Variants in MCPH1 observed in about 807,000 individuals in gnomAD.
MCPH1 encodes the protein microcephalin.
MCPH1 carries 104 observed loss-of-function variants against 84.5 expected under a neutral mutation model. The observed-to-expected ratio is 1.23, with a 90% CI of 1.05 to 1.45. The LOEUF (loss-of-function observed/expected upper bound fraction) is 1.45, where lower values mean the gene tolerates loss of function less well. Among genes scored for constraint, MCPH1 ranks in the 40% most tolerant of loss-of-function variants. MCPH1 has a pLI of 0.00. For missense variants in MCPH1, 1,498 were observed against 1,005.7 expected (o/e 1.49, Z -6.62); for synonymous variants, 514 against 366.8 (o/e 1.40, Z -4.58).
At position 6,527,766 on chromosome 8, in the gene MCPH1, G is replaced by A. The variant is rs1046108943; in HGVS notation, c.2214+27837G>A. ...TTTCATTAAAGTACCCAAGCTACAGGAAAACATAACAAAAACATTATTTAT... is the reference window on the plus strand; with the variant it reads ...TTTCATTAAAGTACCCAAGCTACAGAAAAACATAACAAAAACATTATTTAT... On this transcript the variant is annotated intron_variant, in intron 12 of 13. Transcript: ENST00000344683. 211 of 1,215,526 alleles carry A rather than the reference G, an allele frequency of 1.7e-4. 1 individual carries two copies. The highest frequency in any genetic ancestry group is 2.1e-4 in the Non-Finnish European group (185 of 885,034). The allele number at this position is 1,215,526 out of a possible 1,614,324, so 75.3% of individuals were successfully genotyped here.
At chr8:6,619,492 T>C (rs192494973) in intron 12 of MCPH1, among the ~76,000 whole-genome samples, 1 of 152,054 alleles carries the variant, frequency 6.6e-6, no homozygotes, top group Admixed American at 6.6e-5. Context: ...GGTTTCTCCA[T>C]GTTGGTCAGA....
chr8:6,458,404 G>A (rs1196784427), intron 9 of MCPH1, among the ~76,000 whole-genome samples: 9 of 151,206 alleles, frequency 6.0e-5, no homozygotes, highest in African/African-American at 1.5e-4. Flanking sequence ...CCCGGGAGGC[G>A]GAGATTGCAG....
chr8:6,458,463 C>G (rs1470917397), intron 9 of MCPH1, among the ~76,000 whole-genome samples: 7 of 134,660 alleles, frequency 5.2e-5, no homozygotes, highest in East Asian at 4.2e-4. Flanking sequence ...CAGAGTGAGA[C>G]TCCTTCTCAA....
At chr8:6,506,934 G>C (rs1348865181) in intron 12 of MCPH1, among the ~76,000 whole-genome samples, 2 of 150,526 alleles carry the variant, frequency 1.3e-5, no homozygotes, top group Non-Finnish European at 2.9e-5. Context: ...TCTCACTCTT[G>C]TCGTCCAGGC....
At position 6,607,539 on chromosome 8, in the gene MCPH1, C is replaced by G. The variant is rs546834266; in HGVS notation, c.2215-13915C>G. Among the ~76,000 whole-genome samples, 48 of 152,302 alleles carry G rather than the reference C, an allele frequency of 3.2e-4. No homozygotes were observed. In the Middle Eastern group the frequency reaches 0.01, roughly 32 times the overall value. On this transcript the variant is annotated intron_variant, in intron 12 of 13. Transcript: ENST00000344683. ...GGTGAGGAAAGAAATCTTTCCTTCC[C>G]TACTGATATGGTTTGGCTGTGTCCC...
rs747616569 is a variant in MCPH1, at chr8:6,414,807, A to C, written c.157A>C (p.Lys53Gln). ...CAAACAAGTAACTCACGTTATCTTC[A>C]AAGATGGCTACCAGAGCACTTGGGA... ...FNKQVTHVIF[K>Q]DGYQSTWDKA... The change falls in exon 3 of 14, where the codon AAA becomes CAA. Residue 53 changes from lysine to glutamine, a missense_variant. Coordinates refer to ENST00000344683, the MANE Select transcript of MCPH1 (RefSeq NM_024596.5). 2.5e-6 allele frequency: 4 copies of C among 1,613,816 alleles called. No homozygotes were observed. The South Asian group carries it at 3.3e-5, about 13-fold the overall frequency.
chr8:6,592,347 A>C (rs1168697455), intron 12 of MCPH1, among the ~76,000 whole-genome samples: 2 of 151,964 alleles, frequency 1.3e-5, no homozygotes, highest in African/African-American at 4.8e-5. Flanking sequence ...GGGTTTTGCC[A>C]TGTTGCTCAG....
intron 9 of MCPH1, among the ~76,000 whole-genome samples, chr8:6,466,460 A>C (rs375848755): frequency 6.6e-6 from 1 of 152,068 alleles, no homozygotes; most frequent in African/African-American, 2.4e-5. Context: ...GGCGCGTGCC[A>C]CCACACCTGG....
chr8:6,477,552 G>A, intron 9 of MCPH1, 42 bp from the exon 10 acceptor site: 4 of 1,577,514 alleles, frequency 2.5e-6, no homozygotes, highest in Non-Finnish European at 3.5e-6. Context: ...TATTTTTTAT[G>A]TTTTTGACTG....
chr8:6,477,273 C>G (rs1415000050), intron 9 of MCPH1: 2 of 309,368 alleles, frequency 6.5e-6, no homozygotes, highest in East Asian at 1.5e-4. Context: ...CCCTTTCTCA[C>G]TTTGAAGTGC....
chr8:6,511,726 A>G (rs538125552), intron 12 of MCPH1, among the ~76,000 whole-genome samples: 92 of 152,308 alleles, frequency 6.0e-4, no homozygotes, highest in Non-Finnish European at 1.1e-3. Context: ...CTTTAAACCA[A>G]TGTGTGTGTT....
Position 6,593,881 on chromosome 8 carries a change from C to T in MCPH1, c.2215-27573C>T, listed in dbSNP as rs189716435. On this transcript the variant is annotated intron_variant, in intron 12 of 13. Transcript: ENST00000344683. ...AACAATAGACCTCTGTTCATTGCTT[C>T]CTTCTTATGCAAAAGTGGCCGTCCC... Among the ~76,000 whole-genome samples, 255 of 152,328 alleles carry T rather than the reference C, an allele frequency of 1.7e-3. 2 individuals carry two copies. Among genetic ancestry groups the T allele is most frequent in the South Asian group, 9.1e-3 (44 of 4,818 alleles).
chr8:6,498,377 G>T (rs138650100), intron 11 of MCPH1, among the ~76,000 whole-genome samples: 3 of 152,272 alleles, frequency 2.0e-5, no homozygotes, highest in East Asian at 3.9e-4. Flanking sequence ...TGTTTACACT[G>T]TATTTCTGAT....
chr8:6,434,962 C>G (rs1802430074), intron 4 of MCPH1, among the ~76,000 whole-genome samples: 1 of 152,064 alleles, frequency 6.6e-6, no homozygotes, highest in Non-Finnish European at 1.5e-5. Context: ...ATGGGCAGTT[C>G]CAAGAACAGA....
chr8:6,571,864 G>A (rs1166210142), intron 12 of MCPH1, among the ~76,000 whole-genome samples: 1 of 152,106 alleles, frequency 6.6e-6, no homozygotes, highest in Non-Finnish European at 1.5e-5. Flanking sequence ...CACATAAAAG[G>A]AAGTGATGTT....
intron 12 of MCPH1, among the ~76,000 whole-genome samples, chr8:6,523,414 G>T (rs1260894272): frequency 6.6e-6 from 1 of 152,150 alleles, no homozygotes; most frequent in African/African-American, 2.4e-5. Context: ...AACATACATT[G>T]CTATAAATAT....
intron 12 of MCPH1, among the ~76,000 whole-genome samples, chr8:6,505,796 A>G (rs1440378223): frequency 7.3e-6 from 1 of 136,844 alleles, no homozygotes; most frequent in Non-Finnish European, 1.5e-5. Flanking sequence ...GTATATATAA[A>G]AACATGCATA....
Position 6,445,410 on chromosome 8 carries a change from A to T in MCPH1, c.1688A>T (p.Asn563Ile), listed in dbSNP as rs765559736. The change falls in exon 8 of 14, where the codon AAC becomes ATC. Residue 563 changes from asparagine (N) to isoleucine (I), a missense_variant. By Grantham distance (149) the Asn-to-Ile change is moderately radical (BLOSUM62 -3). Coordinates refer to ENST00000344683, the MANE Select transcript of MCPH1 (RefSeq NM_024596.5). ...KEAVGLKSTQ[N>I]KGTTSKISNS... The stretch of plus-strand genomic sequence containing the variant: ...GCGGTTGGTCTGAAAAGCACACAGA[A>T]CAAAGGTACCACTTCCAAAATATCA... 4 of 1,614,142 alleles carry T rather than the reference A, an allele frequency of 2.5e-6. No homozygotes were observed. In the South Asian group the frequency reaches 4.4e-5, roughly 18 times the overall value.
intron 12 of MCPH1, among the ~76,000 whole-genome samples, chr8:6,595,016 A>G (rs1042441593): frequency 6.6e-6 from 1 of 152,200 alleles, no homozygotes; most frequent in African/African-American, 2.4e-5. Context: ...AAATCTTAAG[A>G]CTATATAGTT....
Sources: gnomAD v4.1 joint callset for allele counts (sites outside exome capture counted in the v4.1 genomes callset) on GRCh38, gnomAD v4.1.1 for gene constraint, MANE v1.5 for transcripts, NCBI Gene and HGNC (gene_info 2026-07-23, HGNC 2026-07-21) for gene names.